Variants in GPC5 observed in about 807,000 individuals in gnomAD.
GPC5 encodes glypican-5.
Under a neutral mutation model 53.9 loss-of-function variants are expected in GPC5, and 47 were observed. The observed-to-expected ratio is 0.87, with a 90% confidence interval of 0.69 to 1.11. The LOEUF (loss-of-function observed/expected upper bound fraction) is 1.11. GPC5 is among the 50% of genes most tolerant of loss of function. GPC5 has a pLI of 0.00. For synonymous variants in GPC5, 286 were observed against 263.3 expected (o/e 1.09, Z -0.84); for missense variants, 748 against 713.1 (o/e 1.05, Z -0.56).
At chr13:91,712,517 G>A (rs556261595) in intron 3 of GPC5, among the ~76,000 whole-genome samples, 21 of 151,994 alleles carry the variant, frequency 1.4e-4, no homozygotes, top group South Asian at 1.0e-3. Flanking sequence ...TGATATCTTC[G>A]TCATTTGTTG....
At chr13:91,999,757 A>T (rs563686233) in intron 6 of GPC5, among the ~76,000 whole-genome samples, 1 of 152,184 alleles carries the variant, frequency 6.6e-6, no homozygotes, top group South Asian at 2.1e-4. Context: ...ATTTTATTTT[A>T]CATCTATGTA....
chr13:92,592,164 A>G (rs1348640297), intron 7 of GPC5, among the ~76,000 whole-genome samples: 1 of 152,230 alleles, frequency 6.6e-6, no homozygotes, highest in Admixed American at 6.5e-5. Flanking sequence ...ACCTTCGCTT[A>G]TATTTCAGTC....
chr13:92,239,218 G>A (rs1269789746), intron 7 of GPC5, among the ~76,000 whole-genome samples: 1 of 150,174 alleles, frequency 6.7e-6, no homozygotes, highest in African/African-American at 2.5e-5. Flanking sequence ...ATGACTTTTA[G>A]TTTAGTTTGT....
chr13:91,975,030 T>G (rs943725891), intron 6 of GPC5, among the ~76,000 whole-genome samples: 1 of 152,234 alleles, frequency 6.6e-6, no homozygotes, highest in Non-Finnish European at 1.5e-5. Flanking sequence ...AAGGATTCCC[T>G]ATTTAATAAA....
intron 2 of GPC5, among the ~76,000 whole-genome samples, chr13:91,500,301 A>G (rs1398325936): frequency 1.3e-5 from 2 of 152,242 alleles, no homozygotes; most frequent in Non-Finnish European, 2.9e-5. Flanking sequence ...ATGAGGAAGT[A>G]ATGAATGTAT....
intron 7 of GPC5, among the ~76,000 whole-genome samples, chr13:92,575,276 C>A (rs1479304291): frequency 1.3e-5 from 2 of 152,126 alleles, no homozygotes; most frequent in Admixed American, 6.5e-5. Flanking sequence ...CAAAAGGAGA[C>A]CATCCTGGAC....
intron 6 of GPC5, among the ~76,000 whole-genome samples, chr13:92,138,236 C>T (rs2041800487): frequency 2.6e-5 from 4 of 152,172 alleles, no homozygotes; most frequent in Admixed American, 2.6e-4. Context: ...AAACTGGCTT[C>T]TTGGCCAGGC....
Position 92,357,888 on chromosome 13 carries a change from A to T in GPC5, c.1561+212899A>T, listed in dbSNP as rs553917712. The stretch of plus-strand genomic sequence containing the variant: ...GACATGAGATATGGGGGGGGACACA[A>T]ATCCAAACCATATCATTCTGCACCT... On this transcript the variant is annotated intron_variant, in intron 7 of 7. Coordinates refer to ENST00000377067, the MANE Select transcript of GPC5 (RefSeq NM_004466.6). Among the ~76,000 whole-genome samples the T allele has an allele frequency of 3.7e-4, 56 of 151,562 alleles. 1 individual carries two copies. Among genetic ancestry groups the T allele is most frequent in the Non-Finnish European group, 6.8e-4 (46 of 68,008 alleles).
chr13:91,808,957 G>A (rs1450892541), intron 5 of GPC5, among the ~76,000 whole-genome samples: 1 of 152,082 alleles, frequency 6.6e-6, no homozygotes, highest in East Asian at 1.9e-4. Flanking sequence ...TGTGTTAGAA[G>A]AATAATCAGA....
intron 5 of GPC5, among the ~76,000 whole-genome samples, chr13:91,792,222 C>A (rs2037976727): frequency 6.6e-6 from 1 of 152,214 alleles, no homozygotes; most frequent in South Asian, 2.1e-4. Flanking sequence ...CCTGACTTCA[C>A]TGCGTAGCAG....
At chr13:92,263,410 A>T (rs374912129) in intron 7 of GPC5, among the ~76,000 whole-genome samples, 2 of 152,102 alleles carry the variant, frequency 1.3e-5, no homozygotes, top group African/African-American at 4.8e-5. Flanking sequence ...GTATCTTAGG[A>T]CATGTGTTTC....
intron 2 of GPC5, among the ~76,000 whole-genome samples, chr13:91,558,225 G>A (rs1379394719): frequency 6.6e-6 from 1 of 152,050 alleles, no homozygotes; most frequent in Non-Finnish European, 1.5e-5. Context: ...TAAGTACCAT[G>A]TGTATTTGCT....
intron 2 of GPC5, among the ~76,000 whole-genome samples, chr13:91,677,477 G>T (rs2035410192): frequency 6.6e-6 from 1 of 152,132 alleles, no homozygotes; most frequent in African/African-American, 2.4e-5. Flanking sequence ...TAAAATGGAA[G>T]ATTTTGTTTA....
intron 5 of GPC5, among the ~76,000 whole-genome samples, chr13:91,897,368 T>TGTGTGTGTGTGTGTGC (rs1555295196): frequency 1.3e-5 from 2 of 149,424 alleles, no homozygotes; most frequent in South Asian, 2.1e-4. Flanking sequence ...TGTGTGTGTG[T>TGTGTGTGTGTGTGTGC]GCGCCTGTGC....
At position 91,988,707 on chromosome 13, in the gene GPC5, C is replaced by T. The variant is rs573379950; in HGVS notation, c.1401+80650C>T. ...AAGATTTGTATTATGGGGAAATAAA[C>T]CTGGACCCATAAACAGTAATTCATT... On this transcript the variant is annotated intron_variant, in intron 6 of 7. Transcript: ENST00000377067. 3.9e-5 allele frequency among the ~76,000 whole-genome samples: 6 copies of T among 152,266 alleles called. No individual in the cohort carries two copies. The South Asian group carries it at 1.2e-3, about 32-fold the overall frequency.
At chr13:92,025,497 A>G (rs1431245232) in intron 6 of GPC5, among the ~76,000 whole-genome samples, 3 of 152,152 alleles carry the variant, frequency 2.0e-5, no homozygotes, top group Non-Finnish European at 4.4e-5. Context: ...ATAAGCGGAC[A>G]AAGTAGTGAG....
At chr13:92,527,231 AAG>A (rs1163866364) in intron 7 of GPC5, among the ~76,000 whole-genome samples, 7 of 52,114 alleles carry the variant, frequency 1.3e-4, no homozygotes, top group African/African-American at 6.5e-4. Flanking sequence ...GAAAGAAAGA[AAG>A]AAAGAAAGAA....
chr13:91,536,670 T>C (rs1886604866), intron 2 of GPC5, among the ~76,000 whole-genome samples: 1 of 152,148 alleles, frequency 6.6e-6, no homozygotes, highest in South Asian at 2.1e-4. Flanking sequence ...ACATTGTCTT[T>C]CCTCTCTGCA....
intron 6 of GPC5, among the ~76,000 whole-genome samples, chr13:92,052,212 A>G (rs2041035470): frequency 6.6e-6 from 1 of 152,210 alleles, no homozygotes; most frequent in South Asian, 2.1e-4. Flanking sequence ...AGAGAAAAGC[A>G]AACAAGACTG....
Sources: gnomAD v4.1 joint callset for allele counts (sites outside exome capture counted in the v4.1 genomes callset) on GRCh38, gnomAD v4.1.1 for gene constraint, MANE v1.5 for transcripts, NCBI Gene and HGNC (gene_info 2026-07-23, HGNC 2026-07-21) for gene names.